The following SMC4 variants were observed in gnomAD, a reference collection of about 807,000 sequenced individuals.
SMC4 encodes structural maintenance of chromosomes protein 4.
In SMC4, 87 loss-of-function variants were observed where a neutral mutation model predicts 145.6. The ratio of observed to expected loss-of-function variants is 0.60; its 90% CI spans 0.50 to 0.71. SMC4 has a LOEUF of 0.71. Ranked by LOEUF, SMC4 falls within the 30% of genes least tolerant of loss-of-function variation. SMC4 has a pLI of 0.00. For synonymous variants in SMC4, 558 were observed against 500.7 expected, an observed-to-expected ratio of 1.11 and a Z score of -1.53; for missense variants, 1,447 against 1,537.1, an observed-to-expected ratio of 0.94 and a Z score of 0.98.
At chr3:160,425,315 ATTT>A (rs1210510284) in intron 16 of SMC4, among the ~76,000 whole-genome samples, 1 of 151,914 alleles carries the variant, frequency 6.6e-6, no homozygotes. Context: ...TCAAAGTGGA[ATTT>A]TTTTTAATTA....
At chr3:160,423,868 C>CT (rs563297060) in intron 15 of SMC4, 28 bp downstream of exon 15, 92,171 of 1,141,124 alleles carry the variant, frequency 0.081, no homozygotes, top group South Asian at 0.094. Flanking sequence ...TGTATCCAGA[C>CT]TTTTTTTTTT....
Position 160,400,966 on chromosome 3 carries a change from G to GT in SMC4, c.139+2dup. ...ACGGAGAGCCCAGCCACCGCCGCAG[G>GT]TGAGTGACCCGCCGCGACTCGGCGG... On this transcript the variant is annotated splice_donor_variant, in intron 2 of 23. Transcript: ENST00000357388. LOFTEE classifies it high-confidence loss of function. The GT allele has an allele frequency of 7.2e-7, 1 of 1,398,558 alleles. No individual in the cohort carries two copies. The highest frequency in any genetic ancestry group is 3.0e-5 in the East Asian group (1 of 33,368). 86.6% of individuals were successfully genotyped at this position (1,398,558 alleles called of 1,614,324 possible). A position where few individuals can be genotyped will look rare whatever the true frequency, so the allele number is the denominator to read the frequency against.
chr3:160,425,594 T>C (rs1428204571), intron 16 of SMC4, among the ~76,000 whole-genome samples: 2 of 152,208 alleles, frequency 1.3e-5, no homozygotes, highest in Non-Finnish European at 2.9e-5. Flanking sequence ...ATTTTGTTTA[T>C]AACATAATTT....
Position 160,404,381 on chromosome 3 carries a change from G to A in SMC4, c.564G>A (p.Thr188=), listed in dbSNP as rs556375896. ...IPNSNFYVSR[T]ACRDNTSVYH... The stretch of plus-strand genomic sequence containing the variant: ...ACAGTAATTTCTATGTATCCAGAAC[G>A]GCCTGCAGAGATAATACTTCTGTCT... The change falls in exon 5 of 24, where the codon ACG becomes ACA. Residue 188 remains threonine, a synonymous_variant. Transcript: ENST00000357388. 2.9e-5 allele frequency: 47 copies of A among 1,610,472 alleles called. No individual in the cohort carries two copies. The South Asian group carries it at 4.1e-4, about 14-fold the overall frequency.
chr3:160,415,456 C>T (rs1716480224), intron 9 of SMC4, among the ~76,000 whole-genome samples: 1 of 152,200 alleles, frequency 6.6e-6, no homozygotes. Context: ...GATACCTTAA[C>T]CCCAGCCCCG....
At chr3:160,402,511 A>G (rs1251773046) in intron 3 of SMC4, among the ~76,000 whole-genome samples, 165 bp from the exon 4 acceptor site, 2 of 152,182 alleles carry the variant, frequency 1.3e-5, no homozygotes, top group Non-Finnish European at 2.9e-5. Context: ...AGAGAACTTG[A>G]TGTAAGAAAA....
rs540921073 is a variant in SMC4 at position 160,420,851 on chromosome 3, T to G, written c.1969T>G (p.Phe657Val). The change falls in exon 13 of 24, where the codon TTC becomes GTC. Residue 657 changes from phenylalanine to valine, a missense_variant. Physicochemically the swap from Phe to Val is conservative, Grantham distance 50 (BLOSUM62 -1). Transcript: ENST00000357388. ...SIDIAQECVN[F>V]LKRQNIGVAT... is the part of the protein sequence containing the mutation. ...TGATATAGCCCAAGAATGTGTAAAC[T>G]TCCTTAAAAGACAAAATATTGGAGT... 2.5e-6 allele frequency: 4 copies of G among 1,613,718 alleles called. No homozygotes were observed. In the African/African-American group the frequency reaches 4.0e-5, roughly 16 times the overall value.
intron 7 of SMC4, 191 bp downstream of exon 7, chr3:160,412,644 TTGA>T: frequency 8.8e-6 from 10 of 1,140,778 alleles, no homozygotes; most frequent in South Asian, 2.1e-5. Flanking sequence ...GGAGGATCAC[TTGA>T]GGCTGGGAGT....
rs751957787 is a variant in SMC4, at chr3:160,433,825, T to A, written c.*16T>A. 4.2e-5 allele frequency: 67 copies of A among 1,588,388 alleles called. No individual in the cohort carries two copies. The highest frequency in any genetic ancestry group is 5.6e-5 in the Non-Finnish European group (65 of 1,167,872). On this transcript the variant is annotated 3_prime_UTR_variant, in exon 24 of 24. Coordinates refer to ENST00000357388, the MANE Select transcript of SMC4 (RefSeq NM_001002800.3). ...ACTTTGTTGAACTTTATGCTGAAGA[T>A]TCTTCAAGTTGATTCAGTGTATTAC...
Position 160,433,911 on chromosome 3 carries a change from A to T in SMC4, c.*102A>T. On this transcript the variant is annotated 3_prime_UTR_variant, in exon 24 of 24. Coordinates refer to ENST00000357388, the MANE Select transcript of SMC4 (RefSeq NM_001002800.3). ...ATAAAATACATACTCCCTAAACTAG[A>T]TCATGAAACTGGTTTCTGTTTTATG... The T allele has an allele frequency of 1.3e-6, 1 of 790,180 alleles. No homozygotes were observed. The highest frequency in any genetic ancestry group is 2.0e-6 in the Non-Finnish European group (1 of 500,748). The allele number at this position is 790,180 out of a possible 1,614,324, so 48.9% of individuals were successfully genotyped here. A position where few individuals can be genotyped will look rare whatever the true frequency, so the allele number is the denominator to read the frequency against.
At chr3:160,417,678 G>C (rs761961289) in intron 10 of SMC4, 45 bp from the exon 11 acceptor site, 1 of 1,425,450 alleles carries the variant, frequency 7.0e-7, no homozygotes, top group South Asian at 1.2e-5. Flanking sequence ...GTGTAGGTTT[G>C]AAAGTAAATA....
At chr3:160,401,456 CATT>C (rs1486167845) in intron 2 of SMC4, among the ~76,000 whole-genome samples, 1 of 152,122 alleles carries the variant, frequency 6.6e-6, no homozygotes, top group Non-Finnish European at 1.5e-5. Context: ...AGTTGGGTGA[CATT>C]ATTAAACCCT....
intron 21 of SMC4, 53 bp downstream of exon 21, chr3:160,431,878 C>T: frequency 6.6e-7 from 1 of 1,518,402 alleles, no homozygotes; most frequent in Non-Finnish European, 8.9e-7. Flanking sequence ...AGTCCTTAGC[C>T]TAAATTCTGA....
intron 18 of SMC4, 22 bp downstream of exon 18, chr3:160,428,964 A>G (rs749641399): frequency 6.5e-7 from 1 of 1,541,606 alleles, no homozygotes; most frequent in Non-Finnish European, 8.7e-7. Context: ...ATGTTACCCT[A>G]ACTTGTTTTC....
At chr3:160,429,805 C>T (rs1170205053) in intron 18 of SMC4, among the ~76,000 whole-genome samples, 1 of 151,806 alleles carries the variant, frequency 6.6e-6, no homozygotes, top group Non-Finnish European at 1.5e-5. Context: ...CAGCCTCCGC[C>T]TCCCAGGTTC....
intron 3 of SMC4, 55 bp from the exon 4 acceptor site, chr3:160,402,621 T>TG (rs1714828529): frequency 1.3e-6 from 2 of 1,532,526 alleles, no homozygotes; most frequent in South Asian, 2.5e-5. Flanking sequence ...AAATCAGTAG[T>TG]ATTAGCATGA....
intron 8 of SMC4, 132 bp from the exon 9 acceptor site, chr3:160,414,235 A>C: frequency 1.3e-6 from 1 of 756,070 alleles, no homozygotes; most frequent in South Asian, 1.4e-5. Flanking sequence ...ATCTTGGAAT[A>C]AGGAGAGTTT....
chr3:160,423,668 T>A lies in SMC4; in HGVS notation c.2245+18T>A, dbSNP rs536862192. On this transcript the variant is annotated intron_variant, in intron 14 of 23. Transcript: ENST00000357388. ...ACAGTCAGGTAATAGTGTTTTTGTT[T>A]CTTGGTTTGTTTTTTTTTCCCCCCA... 1.6e-4 allele frequency: 257 copies of A among 1,600,134 alleles called. No individual in the cohort carries two copies. The African/African-American group carries it at 3.1e-3, about 20-fold the overall frequency.
chr3:160,415,234 A>G (rs963862520), intron 9 of SMC4, among the ~76,000 whole-genome samples: 5 of 152,206 alleles, frequency 3.3e-5, no homozygotes, highest in Non-Finnish European at 7.3e-5. Context: ...AGCCAGGCTC[A>G]GTGGAACTTG....
Sources: gnomAD v4.1 joint callset for allele counts (sites outside exome capture counted in the v4.1 genomes callset) on GRCh38, gnomAD v4.1.1 for gene constraint, MANE v1.5 for transcripts, NCBI Gene and HGNC (gene_info 2026-07-23, HGNC 2026-07-21) for gene names.